The following AUTS2 variants were observed in gnomAD, a reference collection of about 807,000 sequenced individuals.
The protein encoded by AUTS2 is autism susceptibility gene 2 protein.
A neutral mutation model predicts 112.4 loss-of-function variants in AUTS2; 17 were observed. That is an observed-to-expected ratio of 0.15 (90% confidence interval 0.10 to 0.23). The LOEUF (loss-of-function observed/expected upper bound fraction) is 0.23, where lower values mean the gene tolerates loss of function less well. Among genes scored for constraint, AUTS2 ranks in the 10% least tolerant of loss-of-function variants. AUTS2 has a pLI of 1.00. For missense variants in AUTS2, 1,510 were observed against 1,701.6 expected (o/e 0.89, Z 1.98); for synonymous variants, 751 against 702.7 (o/e 1.07, Z -1.09).
Position 70,275,429 on chromosome 7 carries a change from C to G in AUTS2, c.660+140858C>G, listed in dbSNP as rs372571483. On this transcript the variant is annotated intron_variant, in intron 4 of 18. Coordinates refer to ENST00000342771, the MANE Select transcript of AUTS2 (RefSeq NM_015570.4). ...ATAGGGAGTTACCCATTCATGGGCA[C>G]AAGGTTTCATTTTGGGATGATGAAA... Among the ~76,000 whole-genome samples, 16 of 152,154 alleles carry G rather than the reference C, an allele frequency of 1.1e-4. No individual in the cohort carries two copies. The East Asian group carries it at 1.2e-3, about 11-fold the overall frequency.
intron 4 of AUTS2, among the ~76,000 whole-genome samples, chr7:70,282,518 C>T (rs139179626): frequency 2.0e-5 from 3 of 152,216 alleles, no homozygotes; most frequent in East Asian, 1.9e-4. Context: ...AAGGGGTACA[C>T]GAGCTCCTAG....
At chr7:69,660,858 C>T (rs367982404) in intron 1 of AUTS2, among the ~76,000 whole-genome samples, 2 of 152,168 alleles carry the variant, frequency 1.3e-5, no homozygotes, top group South Asian at 2.1e-4. Flanking sequence ...GGCATGAACC[C>T]GGGAGGCGGA....
chr7:69,869,750 A>C (rs893468091), intron 1 of AUTS2, among the ~76,000 whole-genome samples: 5 of 152,182 alleles, frequency 3.3e-5, no homozygotes, highest in Non-Finnish European at 7.4e-5. Context: ...ATGGCATATC[A>C]TCTCAAATTA....
At chr7:70,081,720 T>A (rs570322298) in intron 2 of AUTS2, among the ~76,000 whole-genome samples, 46 of 152,352 alleles carry the variant, frequency 3.0e-4, no homozygotes, top group African/African-American at 1.1e-3. Context: ...TGTGGAGGAA[T>A]GTTTTGTTTA....
chr7:70,398,089 G>T (rs954137682), intron 4 of AUTS2, among the ~76,000 whole-genome samples: 1 of 152,182 alleles, frequency 6.6e-6, no homozygotes, highest in South Asian at 2.1e-4. Flanking sequence ...TTGCACTTTT[G>T]TTCAAATTCT....
At chr7:69,764,646 G>GT (rs1788342259) in intron 1 of AUTS2, among the ~76,000 whole-genome samples, 1 of 152,160 alleles carries the variant, frequency 6.6e-6, no homozygotes, top group African/African-American at 2.4e-5. Flanking sequence ...GGAGATCTGT[G>GT]TTTTTTAAGG....
chr7:70,176,488 A>G (rs534786088), intron 4 of AUTS2, among the ~76,000 whole-genome samples: 2 of 152,236 alleles, frequency 1.3e-5, no homozygotes, highest in African/African-American at 4.8e-5. Flanking sequence ...CTGCCTGTGC[A>G]AACAACTGTC....
chr7:70,220,785 A>AT (rs1224639265), intron 4 of AUTS2, among the ~76,000 whole-genome samples: 1 of 152,156 alleles, frequency 6.6e-6, no homozygotes, highest in Non-Finnish European at 1.5e-5. Flanking sequence ...TATTCCTATC[A>AT]TTTTTCCCCC....
chr7:70,393,094 C>T (rs1016510576), intron 4 of AUTS2, among the ~76,000 whole-genome samples: 7 of 152,156 alleles, frequency 4.6e-5, no homozygotes, highest in Non-Finnish European at 7.4e-5. Context: ...TGTAGGGGAG[C>T]GGGCCAAAGA....
chr7:69,750,923 T>G (rs1787712218), intron 1 of AUTS2, among the ~76,000 whole-genome samples: 2 of 151,858 alleles, frequency 1.3e-5, no homozygotes, highest in South Asian at 4.2e-4. Context: ...TTTTCTATAT[T>G]AGTAGTAAGC....
chr7:70,340,321 A>G (rs574337496), intron 4 of AUTS2, among the ~76,000 whole-genome samples: 1 of 152,190 alleles, frequency 6.6e-6, no homozygotes, highest in South Asian at 2.1e-4. Context: ...TGTGCCTAGA[A>G]GCTGTAATAT....
intron 5 of AUTS2, among the ~76,000 whole-genome samples, chr7:70,529,967 AG>A (rs1207564642): frequency 6.6e-6 from 1 of 152,234 alleles, no homozygotes; most frequent in Non-Finnish European, 1.5e-5. Flanking sequence ...AGTAGCTTGC[AG>A]TTTCACTGTT....
At chr7:70,459,761 C>G (rs1481314322) in intron 5 of AUTS2, among the ~76,000 whole-genome samples, 1 of 152,136 alleles carries the variant, frequency 6.6e-6, no homozygotes, top group African/African-American at 2.4e-5. Context: ...GGAATGTAGA[C>G]CTGGGAGCTT....
chr7:70,408,840 T>A (rs1322170715), intron 4 of AUTS2, among the ~76,000 whole-genome samples: 1 of 152,228 alleles, frequency 6.6e-6, no homozygotes, highest in Non-Finnish European at 1.5e-5. Flanking sequence ...TGCTTTGTGC[T>A]CTGCAGCCTT....
chr7:69,680,835 A>G (rs1796759033), intron 1 of AUTS2, among the ~76,000 whole-genome samples: 1 of 151,912 alleles, frequency 6.6e-6, no homozygotes, highest in African/African-American at 2.4e-5. Flanking sequence ...ATACCCAGCT[A>G]ATTTTTGTAT....
At chr7:70,756,087 T>G (rs1789179437) in intron 6 of AUTS2, among the ~76,000 whole-genome samples, 1 of 152,202 alleles carries the variant, frequency 6.6e-6, no homozygotes, top group Non-Finnish European at 1.5e-5. Flanking sequence ...GGGACTGCAA[T>G]TAATGTTTAT....
At chr7:70,123,030 C>G (rs1488281672) in intron 3 of AUTS2, among the ~76,000 whole-genome samples, 1 of 152,096 alleles carries the variant, frequency 6.6e-6, no homozygotes, top group Non-Finnish European at 1.5e-5. Context: ...CGCTTGCCAC[C>G]ACGCCCAGCT....
chr7:70,489,961 T>G (rs1054995188), intron 5 of AUTS2, among the ~76,000 whole-genome samples: 2 of 152,140 alleles, frequency 1.3e-5, no homozygotes, highest in African/African-American at 4.8e-5. Flanking sequence ...TATTTTAAAC[T>G]AAATGAAAAT....
intron 4 of AUTS2, among the ~76,000 whole-genome samples, chr7:70,284,154 A>G (rs1007558402): frequency 5.3e-5 from 8 of 152,164 alleles, no homozygotes; most frequent in African/African-American, 1.7e-4. Context: ...GTTCACAATA[A>G]ATTATGGCGA....
Sources: gnomAD v4.1 joint callset for allele counts (sites outside exome capture counted in the v4.1 genomes callset) on GRCh38, gnomAD v4.1.1 for gene constraint, MANE v1.5 for transcripts, NCBI Gene and HGNC (gene_info 2026-07-23, HGNC 2026-07-21) for gene names.